USP25: variants seen among roughly 807,000 people sequenced by gnomAD.
USP25 encodes ubiquitin specific peptidase 25, also known as ubiquitin carboxyl-terminal hydrolase 25.
In USP25, 85 loss-of-function variants were observed where a neutral mutation model predicts 158.5. The observed-to-expected ratio is 0.54, with a 90% CI of 0.45 to 0.64. The LOEUF (loss-of-function observed/expected upper bound fraction) is 0.64. Ranked by LOEUF, USP25 falls within the 30% of genes least tolerant of loss-of-function variation. The pLI is 0.00. For missense variants in USP25, 1,242 were observed against 1,327.3 expected, an observed-to-expected ratio of 0.94 and a Z score of 1.00; for synonymous variants, 464 against 460.4, an observed-to-expected ratio of 1.01 and a Z score of -0.10.
intron 22 of USP25, among the ~76,000 whole-genome samples, chr21:15,868,243 C>T (rs1409961179): frequency 6.6e-6 from 1 of 152,134 alleles, no homozygotes; most frequent in Non-Finnish European, 1.5e-5. Flanking sequence ...GAGGCACTCA[C>T]TGACCAGATA....
intron 23 of USP25, among the ~76,000 whole-genome samples, chr21:15,872,023 T>G (rs1298477074): frequency 1.4e-5 from 2 of 147,278 alleles, no homozygotes; most frequent in Non-Finnish European, 3.0e-5. Context: ...TGTTTTTTTT[T>G]TTTTTTTTTT....
chr21:15,830,648 A>G, intron 15 of USP25, 47 bp downstream of exon 15: 2 of 1,402,080 alleles, frequency 1.4e-6, no homozygotes, highest in Non-Finnish European at 9.8e-7. Context: ...TTATTTACAT[A>G]TATTTTAATT....
At chr21:15,798,422 TC>T (rs1368202763) in intron 5 of USP25, among the ~76,000 whole-genome samples, 2 of 151,276 alleles carry the variant, frequency 1.3e-5, no homozygotes, top group African/African-American at 4.8e-5. Context: ...TATTCCTTTC[TC>T]TTTTTCAAAA....
In USP25 at chr21:15,830,519, T is replaced by G. The variant is rs748596815; in HGVS notation, c.1694-12T>G. ...TTGCTGTTAATCATTAAATGACACC[T>G]TATATCCTTAGATTTGCAGGAAAGC... On this transcript the variant is annotated splice_polypyrimidine_tract_variant and intron_variant, in intron 14 of 25. Coordinates refer to ENST00000400183, the MANE Select transcript of USP25 (RefSeq NM_001283041.3). The G allele has an allele frequency of 1.3e-6, 2 of 1,599,322 alleles. No homozygotes were observed. Among genetic ancestry groups the G allele is most frequent in the African/African-American group, 2.7e-5 (2 of 74,416 alleles).
chr21:15,852,027 A>G (rs2038912177), intron 20 of USP25, among the ~76,000 whole-genome samples: 1 of 152,132 alleles, frequency 6.6e-6, no homozygotes, highest in Non-Finnish European at 1.5e-5. Flanking sequence ...TTCTTAAATA[A>G]GTTATGTTAT....
intron 23 of USP25, among the ~76,000 whole-genome samples, chr21:15,873,456 C>A (rs530145808): frequency 6.6e-6 from 1 of 151,966 alleles, no homozygotes; most frequent in African/African-American, 2.4e-5. Flanking sequence ...ATTTGAATTT[C>A]ATAATATCTA....
At chr21:15,869,353 T>TA (rs1357319446) in intron 22 of USP25, among the ~76,000 whole-genome samples, 1 of 152,200 alleles carries the variant, frequency 6.6e-6, no homozygotes, top group Non-Finnish European at 1.5e-5. Context: ...ACACTTTTGT[T>TA]ATCAGTATTC....
At chr21:15,801,958 T>C (rs1007106246) in intron 6 of USP25, among the ~76,000 whole-genome samples, 8 of 151,530 alleles carry the variant, frequency 5.3e-5, no homozygotes, top group African/African-American at 1.9e-4. Context: ...TTTGAACTGT[T>C]GGTAATTTCA....
At chr21:15,832,941 C>G (rs1001097680) in intron 16 of USP25, among the ~76,000 whole-genome samples, 1 of 152,044 alleles carries the variant, frequency 6.6e-6, no homozygotes, top group African/African-American at 2.4e-5. Context: ...TCGTCTGAAC[C>G]CGGAAGGCGG....
chr21:15,862,261 A>G (rs2039458231), intron 20 of USP25, among the ~76,000 whole-genome samples: 1 of 152,142 alleles, frequency 6.6e-6, no homozygotes, highest in African/African-American at 2.4e-5. Flanking sequence ...AAATATTGCA[A>G]AATCCAAAAC....
At chr21:15,779,607 A>G (rs1018468030) in intron 4 of USP25, among the ~76,000 whole-genome samples, 4 of 151,924 alleles carry the variant, frequency 2.6e-5, no homozygotes, top group African/African-American at 9.7e-5. Context: ...GGTAATATAA[A>G]AAGGGATGAA....
At chr21:15,787,902 A>ACCCCT (rs760248520) in intron 4 of USP25, among the ~76,000 whole-genome samples, 1 of 83,650 alleles carries the variant, frequency 1.2e-5, no homozygotes, top group Non-Finnish European at 2.6e-5. Flanking sequence ...ACACCCCCTC[A>ACCCCT]CCCCCCCCCC....
rs1232213508 is a variant in USP25 at position 15,790,630 on chromosome 21, GAAT to G, written c.393-866_393-864del. 7.5e-5 allele frequency among the ~76,000 whole-genome samples: 11 copies of G among 146,720 alleles called. No individual in the cohort carries two copies. In the Admixed American group the frequency reaches 7.5e-4, roughly 10 times the overall value. On this transcript the variant is annotated intron_variant, in intron 4 of 25. Transcript: ENST00000400183. ...CCTGAATGTTATTTATGCTGATTTA[GAAT>G]AATAAGTAACAAGTTTCTTTTTTTT...
intron 10 of USP25, among the ~76,000 whole-genome samples, chr21:15,819,863 C>T (rs1014000067): frequency 7.2e-5 from 11 of 151,968 alleles, no homozygotes; most frequent in Non-Finnish European, 1.5e-4. Context: ...TCCTCTTCCC[C>T]CCCACATACA....
chr21:15,824,186 A>G lies in USP25; in HGVS notation c.1208+20A>G. 32 of 1,608,594 alleles carry G rather than the reference A, an allele frequency of 2.0e-5. No homozygotes were observed. Among genetic ancestry groups the G allele is most frequent in the Non-Finnish European group, 2.5e-5 (30 of 1,179,212 alleles). On this transcript the variant is annotated intron_variant, in intron 11 of 25. Transcript: ENST00000400183. ...GGACAGGTATGGTTTGATATACTGC[A>G]TGACTTAGTTTGAAACAGTTTAGTA...
At chr21:15,841,830 G>A (rs780740538) in intron 17 of USP25, among the ~76,000 whole-genome samples, 3 of 152,240 alleles carry the variant, frequency 2.0e-5, no homozygotes, top group Middle Eastern at 3.4e-3. Flanking sequence ...GATGTTCATT[G>A]TACATTGTTG....
In USP25 at chr21:15,791,526, G is replaced by A; in HGVS notation, c.417G>A (p.Glu139=). The A allele has an allele frequency of 6.2e-7, 1 of 1,610,116 alleles. No homozygotes were observed. Among genetic ancestry groups the A allele is most frequent in the Non-Finnish European group, 8.5e-7 (1 of 1,177,634 alleles). The part of the protein sequence containing the change: ...ISRVLEASIA[E]NKACLKRTPT... ...GAGTTCTTGAAGCCAGCATAGCAGA[G>A]AATAAAGCATGTTTGAAGAGGACAC... Residue 139 remains glutamate, a synonymous_variant, in exon 5 of 26, where the codon GAG becomes GAA. Transcript: ENST00000400183.
At chr21:15,864,221 G>A (rs780903967) in intron 20 of USP25, 47 bp from the exon 21 acceptor site, 6 of 1,546,238 alleles carry the variant, frequency 3.9e-6, no homozygotes, top group Non-Finnish European at 5.2e-6. Flanking sequence ...GGATTTTTTG[G>A]TGTTCAAATA....
At chr21:15,791,810 TGA>T (rs1568810698) in intron 5 of USP25, 146 bp downstream of exon 5, 1 of 766,300 alleles carries the variant, frequency 1.3e-6, no homozygotes, top group Admixed American at 3.8e-5. Context: ...GCTTGGGGAT[TGA>T]AGTATCCTCC....
Sources: allele counts gnomAD v4.1 joint callset (sites outside exome capture counted in the v4.1 genomes callset), GRCh38; gene constraint gnomAD v4.1.1; transcripts MANE v1.5; gene names NCBI Gene and HGNC (gene_info 2026-07-23, HGNC 2026-07-21).